The following COLQ variants were observed in gnomAD, a reference collection of about 807,000 sequenced individuals.
COLQ encodes the protein acetylcholinesterase collagenic tail peptide.
Under a neutral mutation model 69.0 loss-of-function variants are expected in COLQ, and 48 were observed. The observed-to-expected ratio is 0.70, with a 90% CI of 0.55 to 0.88. The LOEUF is 0.88. COLQ is among the 40% of genes least tolerant of loss of function. COLQ has a pLI of 0.00. For synonymous variants in COLQ, 217 were observed against 211.2 expected, an observed-to-expected ratio of 1.03 and a Z score of -0.24; for missense variants, 618 against 594.6, an observed-to-expected ratio of 1.04 and a Z score of -0.41.
chr3:15,478,959 G>A lies in COLQ; in HGVS notation c.393+18C>T, dbSNP rs769699068. ...CACAGACGCTCATGTGACACTCACA[G>A]AACAGCGCAGACCATACCTTCCTTC... On this transcript the variant is annotated intron_variant, in intron 5 of 16. Coordinates refer to ENST00000383788, the MANE Select transcript of COLQ (RefSeq NM_005677.4). The A allele has an allele frequency of 6.8e-5, 110 of 1,614,032 alleles. No homozygotes were observed. The highest frequency in any genetic ancestry group is 8.8e-5 in the Non-Finnish European group (104 of 1,180,016).
intron 3 of COLQ, 126 bp downstream of exon 3, chr3:15,488,080 G>T: frequency 4.2e-6 from 3 of 713,208 alleles, no homozygotes; most frequent in Non-Finnish European, 7.1e-6. Context: ...GGAGCAGGAA[G>T]TAAGCGAGAG....
chr3:15,484,051 G>A (rs1017593773), intron 3 of COLQ, among the ~76,000 whole-genome samples: 18 of 149,172 alleles, frequency 1.2e-4, no homozygotes, highest in East Asian at 3.9e-4. Context: ...CTTTTTTTTT[G>A]TTTTCCATTT....
At position 15,450,747 on chromosome 3, in the gene COLQ, CAG is replaced by C. The variant is rs1261972011; in HGVS notation, c.*895_*896del. 4 of 152,380 alleles carry C rather than the reference CAG, an allele frequency of 2.6e-5. No individual in the cohort carries two copies. Among genetic ancestry groups the C allele is most frequent in the East Asian group, 1.9e-4 (1 of 5,192 alleles). 9.4% of individuals were successfully genotyped at this position (152,380 alleles called of 1,614,324 possible). ...TGCAGCTGGCCCTAGATCGGGGACTCAGGGGAGTATCTGCCTAAGGACCAAGG... is the reference window on the plus strand; with the variant it reads ...TGCAGCTGGCCCTAGATCGGGGACTCGGGAGTATCTGCCTAAGGACCAAGG... On this transcript the variant is annotated 3_prime_UTR_variant, in exon 17 of 17. Coordinates refer to ENST00000383788, the MANE Select transcript of COLQ (RefSeq NM_005677.4).
At chr3:15,465,224 C>A (rs191555512) in intron 12 of COLQ, among the ~76,000 whole-genome samples, 2 of 142,516 alleles carry the variant, frequency 1.4e-5, no homozygotes, top group African/African-American at 5.3e-5. Context: ...CAATAACAGA[C>A]TTTATATTTT....
chr3:15,456,339 C>A, intron 14 of COLQ, 121 bp downstream of exon 14: 1 of 1,362,764 alleles, frequency 7.3e-7, no homozygotes, highest in East Asian at 2.4e-5. Context: ...GCTCAGCCCT[C>A]CCATGCAGAC....
At chr3:15,517,838 G>C (rs2063083104) in intron 1 of COLQ, among the ~76,000 whole-genome samples, 1 of 152,228 alleles carries the variant, frequency 6.6e-6, no homozygotes, top group East Asian at 1.9e-4. Flanking sequence ...AGTCATCACT[G>C]GTCCATTCAT....
intron 1 of COLQ, among the ~76,000 whole-genome samples, chr3:15,505,944 C>A (rs1295404195): frequency 1.3e-5 from 2 of 152,236 alleles, no homozygotes; most frequent in Non-Finnish European, 2.9e-5. Flanking sequence ...CCCTGCACCC[C>A]CCATCCCACC....
intron 3 of COLQ, 118 bp downstream of exon 3, chr3:15,488,088 G>C (rs1222776482): frequency 1.3e-6 from 1 of 762,082 alleles, no homozygotes; most frequent in Non-Finnish European, 2.2e-6. Context: ...AAGTAAGCGA[G>C]AGAAGGAAAA....
intron 3 of COLQ, among the ~76,000 whole-genome samples, chr3:15,481,238 C>T (rs1026678984): frequency 4.6e-5 from 7 of 152,132 alleles, no homozygotes; most frequent in Non-Finnish European, 1.0e-4. Context: ...TTGGCTTTTG[C>T]TGCCATTGCT....
intron 12 of COLQ, among the ~76,000 whole-genome samples, chr3:15,463,281 C>T (rs1442188593): frequency 2.0e-5 from 3 of 151,870 alleles, no homozygotes; most frequent in Non-Finnish European, 4.4e-5. Flanking sequence ...AATCCCATTG[C>T]CCCTGGACTA....
At chr3:15,495,007 G>A (rs1376369417) in intron 1 of COLQ, among the ~76,000 whole-genome samples, 8 of 152,112 alleles carry the variant, frequency 5.3e-5, no homozygotes, top group Non-Finnish European at 4.4e-5. Context: ...ATTAACTGAG[G>A]CAAAGAGGTT....
rs73031521 is a variant in COLQ at position 15,477,520 on chromosome 3, T to C, written c.394-323A>G. ...CAATGGGTTCTTTCCAAGGATGTGC[T>C]ATGGAATGAGATAGGATTACATTTG... is the stretch of plus-strand genomic sequence containing the variant. On this transcript the variant is annotated intron_variant, in intron 5 of 16. Transcript: ENST00000383788. The C allele has an allele frequency of 6.0e-3, 2,183 of 363,558 alleles. 10 individuals carry two copies. The highest frequency in any genetic ancestry group is 7.9e-3 in the Non-Finnish European group (1,512 of 191,818). The allele number at this position is 363,558 out of a possible 1,614,324, so 22.5% of individuals were successfully genotyped here.
At chr3:15,472,300 G>A (rs1052153412) in intron 10 of COLQ, among the ~76,000 whole-genome samples, 1 of 151,940 alleles carries the variant, frequency 6.6e-6, no homozygotes, top group African/African-American at 2.4e-5. Context: ...CCTTTAATTT[G>A]CTTATATAAT....
At chr3:15,456,261 GA>G (rs2062024161) in intron 14 of COLQ, among the ~76,000 whole-genome samples, 198 bp downstream of exon 14, 1 of 152,192 alleles carries the variant, frequency 6.6e-6, no homozygotes, top group East Asian at 1.9e-4. Context: ...CTGGCTCAGA[GA>G]GGGGCTTCTA....
chr3:15,478,766 C>T (rs1559520860), intron 5 of COLQ: 10 of 650,446 alleles, frequency 1.5e-5, no homozygotes, highest in Non-Finnish European at 2.7e-5. Context: ...AGTCTGAATG[C>T]CTGGCAGTAG....
intron 12 of COLQ, among the ~76,000 whole-genome samples, chr3:15,465,232 TTTGATTTATTTATTTATTTATTTA>T (rs1372098618): frequency 2.8e-5 from 4 of 141,590 alleles, no homozygotes; most frequent in African/African-American, 1.1e-4. Context: ...GACTTTATAT[TTTGATTTATTTATTTATTTATTTA>T]TTTATTTATT....
chr3:15,462,201 G>C (rs1343671690), intron 12 of COLQ, among the ~76,000 whole-genome samples: 1 of 151,854 alleles, frequency 6.6e-6, no homozygotes, highest in Non-Finnish European at 1.5e-5. Context: ...GCTAATTTTT[G>C]TATTTTTAGT....
chr3:15,456,072 GCAGGCAGGGAGGT>G (rs1216058192), intron 14 of COLQ, 53 bp from the exon 15 acceptor site: 9 of 1,607,832 alleles, frequency 5.6e-6, no homozygotes, highest in Non-Finnish European at 7.6e-6. Flanking sequence ...CCAGGCAGCC[GCAGGCAGGGAGGT>G]CATTGGTTTT....
At chr3:15,508,238 A>G (rs1268458684) in intron 1 of COLQ, among the ~76,000 whole-genome samples, 1 of 152,218 alleles carries the variant, frequency 6.6e-6, no homozygotes, top group Non-Finnish European at 1.5e-5. Flanking sequence ...CAGTCTTTAA[A>G]CTACCTTAGG....
Sources: gnomAD v4.1 joint callset for allele counts (sites outside exome capture counted in the v4.1 genomes callset) on GRCh38, gnomAD v4.1.1 for gene constraint, MANE v1.5 for transcripts, NCBI Gene and HGNC (gene_info 2026-07-23, HGNC 2026-07-21) for gene names.